CDK14: variants seen among roughly 807,000 people sequenced by gnomAD.
CDK14 encodes cyclin-dependent kinase 14.
A neutral mutation model predicts 60.7 loss-of-function variants in CDK14; 34 were observed. That is an observed-to-expected ratio of 0.56 (90% CI 0.43 to 0.75). The LOEUF is 0.75. Among genes scored for constraint, CDK14 ranks in the 30% least tolerant of loss-of-function variants. The pLI, the probability that CDK14 is intolerant of heterozygous loss-of-function variation, is 0.00. For missense variants in CDK14, 482 were observed against 564.1 expected, an observed-to-expected ratio of 0.85 and a Z score of 1.47; for synonymous variants, 197 against 203.7, an observed-to-expected ratio of 0.97 and a Z score of 0.28.
chr7:91,135,465 T>A (rs758499107), intron 14 of CDK14, among the ~76,000 whole-genome samples: 20 of 152,134 alleles, frequency 1.3e-4, no homozygotes, highest in Non-Finnish European at 2.8e-4. Context: ...CAGGAATAGA[T>A]GGTCTGCAAG....
chr7:91,013,936 T>C (rs1290088625), intron 10 of CDK14, among the ~76,000 whole-genome samples: 1 of 152,028 alleles, frequency 6.6e-6, no homozygotes, highest in Non-Finnish European at 1.5e-5. Context: ...AACTGGAAAG[T>C]AGGTGACCTA....
chr7:91,130,586 A>AT (rs1026163781), intron 14 of CDK14, among the ~76,000 whole-genome samples: 20 of 151,448 alleles, frequency 1.3e-4, no homozygotes, highest in African/African-American at 4.1e-4. Context: ...TTCAGCACAA[A>AT]TTTTTTTTTG....
At chr7:90,642,660 C>T (rs549763392) in intron 2 of CDK14, among the ~76,000 whole-genome samples, 65 of 152,198 alleles carry the variant, frequency 4.3e-4, no homozygotes, top group African/African-American at 1.5e-3. Flanking sequence ...GATTACAGGC[C>T]TGAGCCACTG....
At chr7:90,681,582 G>A (rs1326920836) in intron 2 of CDK14, among the ~76,000 whole-genome samples, 1 of 152,114 alleles carries the variant, frequency 6.6e-6, no homozygotes, top group Non-Finnish European at 1.5e-5. Flanking sequence ...ACTTGTGTTT[G>A]TAATAATATA....
intron 11 of CDK14, among the ~76,000 whole-genome samples, chr7:91,057,575 T>G (rs1439717388): frequency 2.6e-5 from 4 of 152,236 alleles, no homozygotes; most frequent in Non-Finnish European, 4.4e-5. Flanking sequence ...CTTGAATTAA[T>G]TTTTGTATAA....
chr7:90,998,827 T>G (rs1192296147), intron 10 of CDK14, among the ~76,000 whole-genome samples: 2 of 152,132 alleles, frequency 1.3e-5, no homozygotes, highest in Non-Finnish European at 1.5e-5. Context: ...AGGCGGAGCT[T>G]GCAGTGAGCG....
At chr7:91,120,661 C>G (rs553874065) in intron 14 of CDK14, among the ~76,000 whole-genome samples, 1 of 152,132 alleles carries the variant, frequency 6.6e-6, no homozygotes, top group South Asian at 2.1e-4. Context: ...CTCAGCCTCC[C>G]AAGTAGCTGG....
chr7:90,743,596 T>C (rs1803444218), intron 3 of CDK14, among the ~76,000 whole-genome samples: 1 of 152,184 alleles, frequency 6.6e-6, no homozygotes, highest in South Asian at 2.1e-4. Context: ...AGTGTATGCT[T>C]GTCTTTCATT....
At chr7:91,193,669 G>A (rs1054399577) in intron 14 of CDK14, among the ~76,000 whole-genome samples, 1 of 152,058 alleles carries the variant, frequency 6.6e-6, no homozygotes, top group African/African-American at 2.4e-5. Flanking sequence ...ATCTACATAT[G>A]TTTGAATTTC....
At chr7:90,726,491 A>C in intron 2 of CDK14, 76 bp from the exon 3 acceptor site, 2 of 1,459,162 alleles carry the variant, frequency 1.4e-6, no homozygotes, top group Non-Finnish European at 9.3e-7. Flanking sequence ...CATGCTTTCT[A>C]GAGTTATATA....
At chr7:90,964,240 C>A (rs140239074) in intron 9 of CDK14, among the ~76,000 whole-genome samples, 1 of 152,186 alleles carries the variant, frequency 6.6e-6, no homozygotes, top group South Asian at 2.1e-4. Context: ...TCCTTCGTGG[C>A]CTTCCCCAGC....
intron 5 of CDK14, among the ~76,000 whole-genome samples, chr7:90,829,621 C>T (rs1050581518): frequency 6.6e-6 from 1 of 152,040 alleles, no homozygotes; most frequent in Non-Finnish European, 1.5e-5. Context: ...AACCTCCGCC[C>T]CCCCAGGTTC....
At chr7:90,855,495 G>T (rs2117194731) in intron 5 of CDK14, among the ~76,000 whole-genome samples, 1 of 152,210 alleles carries the variant, frequency 6.6e-6, no homozygotes, top group Middle Eastern at 3.4e-3. Context: ...TTCAAATGAT[G>T]CAGAAAGATA....
intron 3 of CDK14, among the ~76,000 whole-genome samples, chr7:90,728,425 GTTT>G (rs1166172822): frequency 6.6e-6 from 1 of 150,764 alleles, no homozygotes; most frequent in Non-Finnish European, 1.5e-5. Context: ...TACCTTCTGG[GTTT>G]TTTTAACTTT....
intron 4 of CDK14, among the ~76,000 whole-genome samples, chr7:90,749,928 G>C (rs1160109444): frequency 6.6e-6 from 1 of 152,118 alleles, no homozygotes; most frequent in Non-Finnish European, 1.5e-5. Context: ...AGGCAACAGA[G>C]AGCATCTCCC....
intron 2 of CDK14, among the ~76,000 whole-genome samples, chr7:90,678,976 G>T (rs1310801180): frequency 2.0e-5 from 3 of 152,154 alleles, no homozygotes; most frequent in Admixed American, 1.3e-4. Flanking sequence ...TTGAGACAGG[G>T]TCTCACTCTG....
intron 14 of CDK14, among the ~76,000 whole-genome samples, chr7:91,152,918 G>A (rs533755425): frequency 6.6e-6 from 1 of 152,282 alleles, no homozygotes; most frequent in South Asian, 2.1e-4. Flanking sequence ...CATTTTCCAT[G>A]TATGTCAAGA....
chr7:91,144,449 C>T (rs888670052), intron 14 of CDK14, among the ~76,000 whole-genome samples: 2 of 152,168 alleles, frequency 1.3e-5, no homozygotes, highest in East Asian at 1.9e-4. Context: ...ATGGTATTGG[C>T]ATTTCACAAA....
At chr7:90,629,475 C>A (rs999852351) in intron 2 of CDK14, among the ~76,000 whole-genome samples, 2 of 152,104 alleles carry the variant, frequency 1.3e-5, no homozygotes, top group African/African-American at 4.8e-5. Context: ...TTTAGGATGC[C>A]TTTATTCAGT....
Sources: gnomAD v4.1 joint callset for allele counts (sites outside exome capture counted in the v4.1 genomes callset) on GRCh38, gnomAD v4.1.1 for gene constraint, MANE v1.5 for transcripts, NCBI Gene and HGNC (gene_info 2026-07-23, HGNC 2026-07-21) for gene names.